The following AZU1 variants were observed in gnomAD, a reference collection of about 807,000 sequenced individuals.
The protein encoded by AZU1 is azurocidin 1.
In AZU1, 21 loss-of-function variants were observed where a neutral mutation model predicts 17.8. That is an observed-to-expected ratio of 1.18 (90% CI 0.84 to 1.70). AZU1 has a LOEUF of 1.70. AZU1 is among the 40% of genes most tolerant of loss of function. The pLI, the probability that AZU1 is intolerant of heterozygous loss-of-function variation, is 0.00. For missense variants in AZU1, 379 were observed against 362.9 expected, an observed-to-expected ratio of 1.04 and a Z score of -0.36; for synonymous variants, 178 against 155.2, an observed-to-expected ratio of 1.15 and a Z score of -1.09.
At chr19:829,936 A>ATGTGTGTGTTTGTGTGTG (rs2035266638) in intron 3 of AZU1, among the ~76,000 whole-genome samples, 1 of 137,766 alleles carries the variant, frequency 7.3e-6, no homozygotes, top group Non-Finnish European at 1.5e-5. Flanking sequence ...AAAAATATAT[A>ATGTGTGTGTTTGTGTGTG]TGTGTGTGTG....
At position 830,978 on chromosome 19, in the gene AZU1, A is replaced by G. The variant is rs375688702; in HGVS notation, c.594+37A>G. 3.2e-6 allele frequency: 5 copies of G among 1,582,498 alleles called. No homozygotes were observed. In the African/African-American group the frequency reaches 6.7e-5, roughly 21 times the overall value. ...CTGTGGCGGGAGGAGGGGTCCTGAG[A>G]GGTACTGAGCTCTCCGTGGCAGGAG... is the stretch of plus-strand genomic sequence containing the variant. On this transcript the variant is annotated intron_variant, in intron 4 of 4. Coordinates refer to ENST00000233997, the MANE Select transcript of AZU1 (RefSeq NM_001700.5).
chr19:828,848 C>G (rs1387927612), intron 2 of AZU1, among the ~76,000 whole-genome samples: 31 of 88,208 alleles, frequency 3.5e-4, no homozygotes, highest in Admixed American at 7.5e-4. Flanking sequence ...AGGGAAGGGG[C>G]TCAGATGGAG....
rs141614223 is a variant in AZU1 at position 830,860 on chromosome 19, C to G, written c.513C>G (p.Asn171Lys). The change falls in exon 4 of 5, where the codon AAC (asparagine) becomes AAG (lysine). Residue 171 changes from asparagine to lysine, a missense_variant. Transcript: ENST00000233997. ...TCTCCCGTTTTCCCAGGTTTGTCAA[C>G]GTGACTGTGACCCCCGAGGACCAGT... ...GRLSRFPRFV[N>K]VTVTPEDQCR... The G allele has an allele frequency of 5.5e-4, 884 of 1,607,642 alleles. 1 individual carries two copies. Among genetic ancestry groups the G allele is most frequent in the Non-Finnish European group, 6.8e-4 (800 of 1,179,968 alleles).
chr19:830,606 T>G, intron 3 of AZU1, 102 bp from the exon 4 acceptor site: 1 of 1,051,056 alleles, frequency 9.5e-7, no homozygotes, highest in South Asian at 1.8e-5. Flanking sequence ...CGCAAACCAC[T>G]TACAGACTAC....
rs747245762 is a variant in AZU1 at position 827,863 on chromosome 19, T to C, written c.17T>C (p.Val6Ala). 21 of 1,536,738 alleles carry C rather than the reference T, an allele frequency of 1.4e-5. No homozygotes were observed. The African/African-American group carries it at 2.2e-4, about 16-fold the overall frequency. ...TGCCCCGCCATGACCCGGCTGACAGTCCTGGCCCTGCTGGCTGGTCTGCTG... is the reference window on the plus strand; with the variant it reads ...TGCCCCGCCATGACCCGGCTGACAGCCCTGGCCCTGCTGGCTGGTCTGCTG... MTRLTVLALLAGLLAS... is the reference protein window; with the variant it reads MTRLTALALLAGLLAS... Residue 6 changes from valine (V) to alanine (A), a missense_variant, in exon 1 of 5, where the codon GTC becomes GCC. Transcript: ENST00000233997.
intron 3 of AZU1, among the ~76,000 whole-genome samples, chr19:830,174 C>T (rs977458596): frequency 2.6e-5 from 4 of 151,984 alleles, no homozygotes; most frequent in African/African-American, 4.8e-5. Context: ...GCAGGAGAAT[C>T]GCTTGAACCC....
chr19:829,456 A>C lies in AZU1; in HGVS notation c.216-106A>C, dbSNP rs539993218. 5.5e-5 allele frequency: 79 copies of C among 1,423,512 alleles called. 2 individuals carry two copies. The South Asian group carries it at 9.6e-4, about 17-fold the overall frequency. 88.2% of individuals were successfully genotyped at this position (1,423,512 alleles called of 1,614,324 possible). A position where few individuals can be genotyped will look rare whatever the true frequency, so the allele number is the denominator to read the frequency against. On this transcript the variant is annotated intron_variant, in intron 2 of 4. Transcript: ENST00000233997. ...AGCGGGGGAGTTTTCAGGGTGAAGG[A>C]TTGCAGTCTGCAGGCTGGGATCCCC...
At position 827,895 on chromosome 19, in the gene AZU1, T is replaced by C; in HGVS notation, c.49T>C (p.Ser17Pro). 6.5e-7 allele frequency: 1 copy of C among 1,537,182 alleles called. No homozygotes were observed. The highest frequency in any genetic ancestry group is 1.2e-5 in the South Asian group (1 of 84,102). The part of the protein sequence containing the change: ...LALLAGLLAS[S>P]RAGSSPLLDI... ...CCTGCTGGCTGGTCTGCTGGCGTCC[T>C]CGAGGGCCGGTGAGTGCCTCTCTGT... The change falls in exon 1 of 5, where the codon TCG becomes CCG. Residue 17 changes from serine to proline, a missense_variant. Transcript: ENST00000233997.
Position 830,800 on chromosome 19 carries a change from G to A in AZU1, c.453G>A (p.Val151=), listed in dbSNP as rs761271952. Residue 151 remains valine (V), a synonymous_variant, in exon 4 of 5, where the codon GTG becomes GTA. Transcript: ENST00000233997. ...ATVEAGTRCQ[V]AGWGSQRSGG... Reference sequence around the variant, plus strand: ...TGGAAGCCGGCACCAGATGCCAGGTGGCCGGCTGGGGGAGCCAGCGCAGTG... The same window carrying A: ...TGGAAGCCGGCACCAGATGCCAGGTAGCCGGCTGGGGGAGCCAGCGCAGTG... 3 of 1,606,564 alleles carry A rather than the reference G, an allele frequency of 1.9e-6. No homozygotes were observed. The Admixed American group carries it at 5.0e-5, about 27-fold the overall frequency.
At position 831,882 on chromosome 19, in the gene AZU1, G is replaced by T. The variant is rs770160494; in HGVS notation, c.*5G>T. On this transcript the variant is annotated 3_prime_UTR_variant, in exon 5 of 5. Coordinates refer to ENST00000233997, the MANE Select transcript of AZU1 (RefSeq NM_001700.5). ...CCGGGACCGGGGCCAGCCTAGGGGG[G>T]CCTGTGACCTCCCATGGAGCCCAGC... The T allele has an allele frequency of 1.2e-6, 2 of 1,609,700 alleles. No homozygotes were observed. Among genetic ancestry groups the T allele is most frequent in the South Asian group, 1.1e-5 (1 of 90,744 alleles).
rs150578187 is a variant in AZU1 at position 831,760 on chromosome 19, C to T, written c.639C>T (p.Gly213=). ...TCGTCTGCGAGGGCCTGGCCCACGG[C>T]GTGGCCTCCTTTTCCCTGGGGCCCT... ...TPLVCEGLAH[G]VASFSLGPCG... Residue 213 remains glycine, a synonymous_variant, in exon 5 of 5, where the codon GGC becomes GGT. Transcript: ENST00000233997. 532 of 1,612,208 alleles carry T rather than the reference C, an allele frequency of 3.3e-4. 1 individual carries two copies. The highest frequency in any genetic ancestry group is 4.2e-4 in the Non-Finnish European group (497 of 1,179,648).
intron 3 of AZU1, among the ~76,000 whole-genome samples, chr19:830,424 A>C (rs2035273155): frequency 6.6e-6 from 1 of 152,118 alleles, no homozygotes; most frequent in Admixed American, 6.5e-5. Context: ...AAAATGATAA[A>C]ATTATCTCAA....
intron 4 of AZU1, 83 bp from the exon 5 acceptor site, chr19:831,633 G>A: frequency 7.1e-7 from 1 of 1,405,722 alleles, no homozygotes; most frequent in South Asian, 1.4e-5. Context: ...GTAGGTTCCA[G>A]GGGCAGCAAG....
At chr19:828,595 G>C (rs1283367704) in intron 2 of AZU1, among the ~76,000 whole-genome samples, 1 of 151,256 alleles carries the variant, frequency 6.6e-6, no homozygotes, top group African/African-American at 2.4e-5. Context: ...GATGGAGGAG[G>C]CCCAGAGAAG....
At chr19:829,413 C>T (rs1049578074) in intron 2 of AZU1, 149 bp from the exon 3 acceptor site, 29 of 1,128,574 alleles carry the variant, frequency 2.6e-5, no homozygotes, top group African/African-American at 3.1e-5. Context: ...TGGAAAGTCT[C>T]GGCTCTGCTT....
At chr19:831,475 G>C (rs2035286887) in intron 4 of AZU1, 3 of 536,194 alleles carry the variant, frequency 5.6e-6, no homozygotes, top group Non-Finnish European at 9.9e-6. Context: ...AGGGACTCAG[G>C]CGTGTGATTG....
rs1458195868 is a variant in AZU1, at chr19:828,217, C to A, written c.59-13C>A. 8.2e-6 allele frequency: 13 copies of A among 1,587,268 alleles called. No homozygotes were observed. In the East Asian group the frequency reaches 2.5e-4, roughly 30 times the overall value. On this transcript the variant is annotated splice_polypyrimidine_tract_variant and intron_variant, in intron 1 of 4. Coordinates refer to ENST00000233997, the MANE Select transcript of AZU1 (RefSeq NM_001700.5). ...ATTCTTGGGGATCTCAGAGCTGTCTCCCCCCGACCCAGGCTCCAGCCCCCT... is the reference window on the plus strand; with the variant it reads ...ATTCTTGGGGATCTCAGAGCTGTCTACCCCCGACCCAGGCTCCAGCCCCCT...
chr19:831,246 A>T (rs1005489330), intron 4 of AZU1: 6 of 383,116 alleles, frequency 1.6e-5, no homozygotes, highest in Non-Finnish European at 2.8e-5. Flanking sequence ...ACGCCCGGCT[A>T]ATTTTGTATT....
intron 4 of AZU1, 73 bp from the exon 5 acceptor site, chr19:831,643 G>A: frequency 6.9e-7 from 1 of 1,444,164 alleles, no homozygotes; most frequent in Non-Finnish European, 9.2e-7. Flanking sequence ...GGGGCAGCAA[G>A]AGGCCTCTGC....
Sources: allele counts gnomAD v4.1 joint callset (sites outside exome capture counted in the v4.1 genomes callset), GRCh38; gene constraint gnomAD v4.1.1; transcripts MANE v1.5; gene names NCBI Gene and HGNC (gene_info 2026-07-23, HGNC 2026-07-21).